Variants in ASTN2 observed in about 807,000 individuals in gnomAD.
ASTN2 encodes the protein astrotactin 2.
A neutral mutation model predicts 139.8 loss-of-function variants in ASTN2; 54 were observed. That is an observed-to-expected ratio of 0.39 (90% CI 0.31 to 0.48). ASTN2 has a LOEUF of 0.48. Ranked by LOEUF, ASTN2 falls within the 20% of genes least tolerant of loss-of-function variation. The pLI, the probability that ASTN2 is intolerant of heterozygous loss-of-function variation, is 0.95. For synonymous variants in ASTN2, 756 were observed against 719.5 expected (o/e 1.05, Z -0.81); for missense variants, 1,565 against 1,725.1 (o/e 0.91, Z 1.64).
intron 4 of ASTN2, among the ~76,000 whole-genome samples, chr9:117,122,121 G>T (rs1199866644): frequency 6.6e-6 from 1 of 150,518 alleles, no homozygotes; most frequent in African/African-American, 2.5e-5. Flanking sequence ...TAGATCTCCT[G>T]CTCTCAGAGT....
intron 10 of ASTN2, among the ~76,000 whole-genome samples, chr9:116,868,743 A>C (rs904125710): frequency 2.4e-4 from 37 of 152,358 alleles, no homozygotes; most frequent in Non-Finnish European, 2.1e-4. Context: ...CAGTAGGCTC[A>C]AGGAGAGAAT....
At chr9:116,654,969 C>T (rs1858123522) in intron 16 of ASTN2, among the ~76,000 whole-genome samples, 1 of 152,166 alleles carries the variant, frequency 6.6e-6, no homozygotes, top group Non-Finnish European at 1.5e-5. Context: ...AAATCTATCA[C>T]CCCTTTTGGT....
intron 3 of ASTN2, among the ~76,000 whole-genome samples, chr9:117,207,440 C>A (rs1010020719): frequency 6.6e-6 from 1 of 151,806 alleles, no homozygotes; most frequent in South Asian, 2.1e-4. Context: ...GGTTGTCCCC[C>A]TCAGACACAT....
intron 13 of ASTN2, among the ~76,000 whole-genome samples, chr9:116,790,951 AAAGAAAAGAAAGAAGG>A (rs1830516096): frequency 7.0e-6 from 1 of 143,686 alleles, no homozygotes; most frequent in Non-Finnish European, 1.5e-5. Context: ...AGAAAGAAAG[AAAGAAAAGAAAGAAGG>A]AAAGAAAGAA....
intron 21 of ASTN2, among the ~76,000 whole-genome samples, chr9:116,442,122 G>C (rs1847858092): frequency 6.6e-6 from 1 of 152,164 alleles, no homozygotes; most frequent in African/African-American, 2.4e-5. Flanking sequence ...ATTGGTCCCT[G>C]AGAAATCTAG....
Position 116,976,011 on chromosome 9 carries a change from C to G in ASTN2, c.1751+103G>C. The G allele has an allele frequency of 2.7e-6, 3 of 1,107,656 alleles. No individual in the cohort carries two copies. The South Asian group carries it at 4.0e-5, about 15-fold the overall frequency. 68.6% of individuals were successfully genotyped at this position (1,107,656 alleles called of 1,614,324 possible). ...GAGTTCTTTTGTACTCAGTGCAGCTCAGAAGTGCACAGGCTCAATAGTCTA... is the reference window on the plus strand; with the variant it reads ...GAGTTCTTTTGTACTCAGTGCAGCTGAGAAGTGCACAGGCTCAATAGTCTA... On this transcript the variant is annotated intron_variant, in intron 9 of 22. Coordinates refer to ENST00000313400, the MANE Select transcript of ASTN2 (RefSeq NM_001365068.1).
chr9:116,731,124 C>G (rs900452004), intron 14 of ASTN2, among the ~76,000 whole-genome samples: 5 of 151,384 alleles, frequency 3.3e-5, no homozygotes, highest in African/African-American at 1.2e-4. Context: ...CAGCTCCCCA[C>G]CTGGGGATTA....
At chr9:116,782,285 A>G (rs1457897131) in intron 13 of ASTN2, among the ~76,000 whole-genome samples, 8 of 152,168 alleles carry the variant, frequency 5.3e-5, no homozygotes, top group Admixed American at 5.2e-4. Context: ...AACTTGCCAA[A>G]CTCCCCATCA....
Position 116,565,385 on chromosome 9 carries a change from CTCCATATATATATA to C in ASTN2, c.3355+52925_3355+52938del, listed in dbSNP as rs1467949932. Among the ~76,000 whole-genome samples, 190 of 30,724 alleles carry C rather than the reference CTCCATATATATATA, an allele frequency of 6.2e-3. 6 individuals carry two copies. The highest frequency in any genetic ancestry group is 0.03 in the South Asian group (15 of 500). The allele number at this position is 30,724 out of a possible 152,430, so 20.2% of individuals were successfully genotyped here. ...TCTCTCTCTCTCTCTCTCTCTCTCTCTCCATATATATATATATATATATATATATATATATATAT... is the reference window on the plus strand; with the variant it reads ...TCTCTCTCTCTCTCTCTCTCTCTCTCTATATATATATATATATATATATAT... On this transcript the variant is annotated intron_variant, in intron 19 of 22. Transcript: ENST00000313400.
Position 117,143,111 on chromosome 9 carries a change from T to A in ASTN2, c.1016-1633A>T, listed in dbSNP as rs560641262. Among the ~76,000 whole-genome samples, 3 of 152,328 alleles carry A rather than the reference T, an allele frequency of 2.0e-5. No homozygotes were observed. The East Asian group carries it at 5.8e-4, about 29-fold the overall frequency. On this transcript the variant is annotated intron_variant, in intron 3 of 22. Coordinates refer to ENST00000313400, the MANE Select transcript of ASTN2 (RefSeq NM_001365068.1). ...TAGAGGGCTTGTTCTGGTATTGGGT[T>A]CTGTGAGAAGTCCCATCTTGAGGGT...
At chr9:116,618,035 C>T (rs143275634) in intron 19 of ASTN2, among the ~76,000 whole-genome samples, 75 of 152,292 alleles carry the variant, frequency 4.9e-4, no homozygotes, top group African/African-American at 1.4e-3. Context: ...CAGGCCTTCC[C>T]AGATACAGAA....
chr9:117,348,906 T>C (rs971937257), intron 1 of ASTN2, among the ~76,000 whole-genome samples: 2 of 144,808 alleles, frequency 1.4e-5, no homozygotes, highest in Non-Finnish European at 3.0e-5. Context: ...AAAAAGTGTG[T>C]GTAGCATCTA....
intron 13 of ASTN2, among the ~76,000 whole-genome samples, chr9:116,804,405 C>T (rs1438702532): frequency 6.6e-6 from 1 of 152,076 alleles, no homozygotes; most frequent in Non-Finnish European, 1.5e-5. Flanking sequence ...TATCTTGGCT[C>T]TCCTACTTCC....
At chr9:116,881,148 T>G (rs1303116518) in intron 10 of ASTN2, among the ~76,000 whole-genome samples, 1 of 151,964 alleles carries the variant, frequency 6.6e-6, no homozygotes, top group Non-Finnish European at 1.5e-5. Context: ...AGGAGGAAGG[T>G]GTGTTGCATA....
intron 4 of ASTN2, among the ~76,000 whole-genome samples, chr9:117,137,088 A>G (rs1413415): frequency 0.99 from 150,989 of 152,252 alleles, 74,883 homozygotes; most frequent in East Asian, 1. Context: ...TACTGCCCAT[A>G]AGATGCTGGG....
At chr9:117,141,750 T>C (rs1801308542) in intron 3 of ASTN2, among the ~76,000 whole-genome samples, 1 of 152,198 alleles carries the variant, frequency 6.6e-6, no homozygotes, top group Non-Finnish European at 1.5e-5. Flanking sequence ...ACTAGAGGGC[T>C]TGGTCGTGAA....
chr9:117,121,216 T>A (rs1829550425), intron 4 of ASTN2, among the ~76,000 whole-genome samples: 2 of 152,190 alleles, frequency 1.3e-5, no homozygotes. Context: ...TCACAGAGTA[T>A]CACATTGGTC....
chr9:117,120,049 T>TATATATATATATATATATAC (rs1433485798), intron 4 of ASTN2, among the ~76,000 whole-genome samples: 121 of 129,292 alleles, frequency 9.4e-4, no homozygotes, highest in African/African-American at 3.6e-3. Flanking sequence ...TATATATATA[T>TATATATATATATATATATAC]ACCCTGAGTA....
rs191357254 is a variant in ASTN2, at chr9:116,645,093, G to A, written c.3072+6435C>T. On this transcript the variant is annotated intron_variant, in intron 17 of 22. Transcript: ENST00000313400. ...ACTAGATTGCCTACTTTACAAATAA[G>A]TAAAAGTCAGATCACATAGACAGTA... Among the ~76,000 whole-genome samples, 280 of 152,232 alleles carry A rather than the reference G, an allele frequency of 1.8e-3. 15 individuals are homozygous for A. The highest frequency in any genetic ancestry group is 1.4e-3 in the Admixed American group (22 of 15,284).
Sources: allele counts gnomAD v4.1 joint callset (sites outside exome capture counted in the v4.1 genomes callset), GRCh38; gene constraint gnomAD v4.1.1; transcripts MANE v1.5; gene names NCBI Gene and HGNC (gene_info 2026-07-23, HGNC 2026-07-21).